The following CA9 variants were observed in gnomAD, a reference collection of about 807,000 sequenced individuals.
CA9 encodes carbonic anhydrase 9, also known as CA-IX.
A neutral mutation model predicts 51.8 loss-of-function variants in CA9; 43 were observed. The observed-to-expected ratio is 0.83, with a 90% confidence interval of 0.65 to 1.07. The LOEUF is 1.07. Ranked by LOEUF, CA9 falls within the 50% of genes least tolerant of loss-of-function variation. CA9 has a pLI of 0.00. For synonymous variants in CA9, 253 were observed against 244.2 expected (o/e 1.04, Z -0.34); for missense variants, 574 against 581.4 (o/e 0.99, Z 0.13).
Position 35,679,231 on chromosome 9 carries a change from C to A in CA9, c.954C>A (p.Pro318=), listed in dbSNP as rs374832967. 1.0e-4 allele frequency: 162 copies of A among 1,614,084 alleles called. No homozygotes were observed. The highest frequency in any genetic ancestry group is 1.2e-4 in the Non-Finnish European group (141 of 1,180,050). ...GACTGGACATATCTGCACTCCTGCC[C>A]TCTGACTTCAGCCGCTACTTCCAAT... ...VPGLDISALL[P]SDFSRYFQYE... is the part of the protein sequence containing the mutation. Residue 318 remains proline, a synonymous_variant, in exon 7 of 11, where the codon CCC becomes CCA. Transcript: ENST00000378357.
chr9:35,680,882 GGA>G (rs1587948423), intron 10 of CA9, 48 bp downstream of exon 10: 1 of 1,610,894 alleles, frequency 6.2e-7, no homozygotes, highest in East Asian at 2.2e-5. Context: ...CCACCCTTGT[GGA>G]GTCACTTCAT....
rs967501960 is a variant in CA9 at position 35,674,105 on chromosome 9, T to A, written c.146T>A (p.Leu49Ter). 6.2e-7 allele frequency: 1 copy of A among 1,613,962 alleles called. No homozygotes were observed. The highest frequency in any genetic ancestry group is 1.3e-5 in the African/African-American group (1 of 74,906). Residue 49 changes from leucine to a stop codon, truncating the protein, a stop_gained, in exon 1 of 11, where the codon TTG becomes TAG. Coordinates refer to ENST00000378357, the MANE Select transcript of CA9 (RefSeq NM_001216.3). LOFTEE classifies it high-confidence loss of function. ...RLPRMQEDSP[L>*]GGGSSGEDDP... ...CCCCGGATGCAGGAGGATTCCCCCT[T>A]GGGAGGAGGCTCTTCTGGGGAAGAT...
rs182631523 is a variant in CA9, at chr9:35,676,403, G to C, written c.840+14G>C. The C allele has an allele frequency of 7.7e-5, 124 of 1,600,908 alleles. No homozygotes were observed. The African/African-American group carries it at 1.5e-3, about 19-fold the overall frequency. On this transcript the variant is annotated intron_variant, in intron 5 of 10. Transcript: ENST00000378357. ...GCCTTTCTGGAGGTACCAGATCCTG[G>C]ACACCCCCTACTCCCCGCTTTCCCA...
At chr9:35,675,151 G>A in intron 1 of CA9, 1 of 207,598 alleles carries the variant, frequency 4.8e-6, no homozygotes, top group Non-Finnish European at 9.7e-6. Context: ...GCGCCACCAC[G>A]CCCGGCTAAT....
At position 35,675,534 on chromosome 9, in the gene CA9, A is replaced by G; in HGVS notation, c.404-4A>G. 1.2e-6 allele frequency: 2 copies of G among 1,614,166 alleles called. No individual in the cohort carries two copies. The highest frequency in any genetic ancestry group is 1.7e-6 in the Non-Finnish European group (2 of 1,180,008). On this transcript the variant is annotated splice_region_variant and splice_polypyrimidine_tract_variant and intron_variant, in intron 1 of 10. Transcript: ENST00000378357. Reference sequence around the variant, plus strand: ...TGAGCGGTTCATCCTTTTCATTTATACAGGGGATGACCAGAGTCATTGGCG... The same window carrying G: ...TGAGCGGTTCATCCTTTTCATTTATGCAGGGGATGACCAGAGTCATTGGCG...
intron 6 of CA9, among the ~76,000 whole-genome samples, chr9:35,678,695 CTTTTCTTTTTTTT>C (rs1249318050): frequency 7.7e-6 from 1 of 129,878 alleles, no homozygotes; most frequent in Admixed American, 7.7e-5. Context: ...TTTTTCTTTT[CTTTTCTTTTTTTT>C]TTTTTTTACA....
chr9:35,678,902 C>T (rs150828195), intron 6 of CA9, among the ~76,000 whole-genome samples: 4 of 151,400 alleles, frequency 2.6e-5, no homozygotes, highest in Admixed American at 6.6e-5. Context: ...TAGACTCAGA[C>T]GGTCTTTCTT....
In CA9 at chr9:35,677,779, T is replaced by A. The variant is rs374795235; in HGVS notation, c.841-11T>A. On this transcript the variant is annotated splice_polypyrimidine_tract_variant and intron_variant, in intron 5 of 10. Transcript: ENST00000378357. ...ACATGCACTCATCTGTCTTACAATGTCATCCCCCAGGAGGGCCCGGAAGAA... is the reference window on the plus strand; with the variant it reads ...ACATGCACTCATCTGTCTTACAATGACATCCCCCAGGAGGGCCCGGAAGAA... The A allele has an allele frequency of 1.2e-6, 2 of 1,612,936 alleles. No homozygotes were observed. The highest frequency in any genetic ancestry group is 1.7e-6 in the Non-Finnish European group (2 of 1,178,886).
rs1301261659 is a variant in CA9, at chr9:35,674,008, C to T, written c.49C>T (p.Pro17Ser). 2.5e-6 allele frequency: 4 copies of T among 1,613,208 alleles called. No homozygotes were observed. Among genetic ancestry groups the T allele is most frequent in the Middle Eastern group, 3.3e-4 (2 of 6,058 alleles). ...CTGGCTCCCTCTGTTGATCCCGGCC[C>T]CTGCTCCAGGCCTCACTGTGCAACT... ...SPWLPLLIPA[P>S]APGLTVQLLL... Residue 17 changes from proline to serine, a missense_variant, in exon 1 of 11, where the codon CCT becomes TCT. Physicochemically the swap from Pro to Ser is moderately conservative, Grantham distance 74 (BLOSUM62 -1). Coordinates refer to ENST00000378357, the MANE Select transcript of CA9 (RefSeq NM_001216.3).
At position 35,680,829 on chromosome 9, in the gene CA9, G is replaced by A. The variant is rs145316006; in HGVS notation, c.1314G>A (p.Gln438=). 3,738 of 1,614,156 alleles carry A rather than the reference G, an allele frequency of 2.3e-3. 9 individuals are homozygous for A. Among genetic ancestry groups the A allele is most frequent in the Non-Finnish European group, 2.8e-3 (3,307 of 1,179,960 alleles). The part of the protein sequence containing the change: ...SVAFLVQMRR[Q]HRRGTKGGVS... ...CGTTCCTTGTGCAGATGAGAAGGCA[G>A]CACAGGTATTACACTGACCCTTTCT... The change falls in exon 10 of 11, where the codon CAG becomes CAA. Residue 438 remains glutamine (Q), a synonymous_variant. Transcript: ENST00000378357.
At position 35,681,031 on chromosome 9, in the gene CA9, G is replaced by A; in HGVS notation, c.*6G>A. On this transcript the variant is annotated 3_prime_UTR_variant, in exon 11 of 11. Transcript: ENST00000378357. ...TAGCCGAGACTGGAGCCTAGAGGCT[G>A]GATCTTGGAGAATGTGAGAAGCCAG... 1 of 1,613,182 alleles carries A rather than the reference G, an allele frequency of 6.2e-7. No homozygotes were observed. Among genetic ancestry groups the A allele is most frequent in the Non-Finnish European group, 8.5e-7 (1 of 1,179,754 alleles).
chr9:35,675,988 C>A, intron 3 of CA9, 57 bp downstream of exon 3: 1 of 1,602,210 alleles, frequency 6.2e-7, no homozygotes, highest in Non-Finnish European at 8.5e-7. Context: ...GGAAGGGAAC[C>A]GTCGCGGCAG....
chr9:35,678,356 A>G (rs1269731237), intron 6 of CA9, among the ~76,000 whole-genome samples: 1 of 151,518 alleles, frequency 6.6e-6, no homozygotes, highest in African/African-American at 2.4e-5. Flanking sequence ...CAAAAAAAAA[A>G]AAAAAAAAGA....
chr9:35,676,891 C>T (rs57027576), intron 5 of CA9, among the ~76,000 whole-genome samples: 3,298 of 152,222 alleles, frequency 0.022, 99 homozygotes, highest in African/African-American at 0.068. Context: ...GTCTCTCTGT[C>T]GCCCAGGCTG....
chr9:35,674,453 G>T, intron 1 of CA9, 91 bp downstream of exon 1: 1 of 1,263,970 alleles, frequency 7.9e-7, no homozygotes, highest in Admixed American at 2.3e-5. Context: ...CTCAGGGAAG[G>T]AGGGGAGACT....
In CA9 at chr9:35,677,797, C is replaced by A. The variant is rs773530795; in HGVS notation, c.848C>A (p.Pro283Gln). The A allele has an allele frequency of 2.5e-5, 41 of 1,613,786 alleles. No homozygotes were observed. The East Asian group carries it at 3.1e-4, about 12-fold the overall frequency. The change falls in exon 6 of 11, where the codon CCG (proline) becomes CAG (glutamine). Residue 283 changes from proline (P) to glutamine (Q), a missense_variant. Coordinates refer to ENST00000378357, the MANE Select transcript of CA9 (RefSeq NM_001216.3). Reference protein sequence around the residue: ...AVLAAFLEEGPEENSAYEQLL... With the variant: ...AVLAAFLEEGQEENSAYEQLL... The stretch of plus-strand genomic sequence containing the variant: ...TACAATGTCATCCCCCAGGAGGGCC[C>A]GGAAGAAAACAGTGCCTATGAGCAG...
chr9:35,675,359 G>A, intron 1 of CA9, 179 bp from the exon 2 acceptor site: 1 of 654,296 alleles, frequency 1.5e-6, no homozygotes, highest in Non-Finnish European at 2.7e-6. Context: ...TTGCTGTTTG[G>A]CCCACCCAGC....
In CA9 at chr9:35,675,888, C is replaced by T. The variant is rs766960501; in HGVS notation, c.561C>T (p.Leu187=). 1 of 1,608,262 alleles carries T rather than the reference C, an allele frequency of 6.2e-7. No individual in the cohort carries two copies. Among genetic ancestry groups the T allele is most frequent in the Non-Finnish European group, 8.5e-7 (1 of 1,179,158 alleles). ...CCCTGGAACTCCTGGGCTTCCAGCT[C>T]CCGCCGCTCCCAGAACTGCGCCTGC... The part of the protein sequence containing the change: ...LRPLELLGFQ[L]PPLPELRLRN... The change falls in exon 3 of 11, where the codon CTC becomes CTT. Residue 187 remains leucine (L), a synonymous_variant. Transcript: ENST00000378357.
chr9:35,676,517 C>T lies in CA9; in HGVS notation c.840+128C>T, dbSNP rs547430190. ...CCCCTGGCTGACAAACTCATTCACG[C>T]ACTGTTTGTTCATTTAACACCCACT... On this transcript the variant is annotated intron_variant, in intron 5 of 10. Transcript: ENST00000378357. 2.2e-5 allele frequency: 16 copies of T among 733,426 alleles called. No individual in the cohort carries two copies. The East Asian group carries it at 3.0e-4, about 14-fold the overall frequency. 45.4% of individuals were successfully genotyped at this position (733,426 alleles called of 1,614,324 possible).
Sources: gnomAD v4.1 joint callset for allele counts (sites outside exome capture counted in the v4.1 genomes callset) on GRCh38, gnomAD v4.1.1 for gene constraint, MANE v1.5 for transcripts, NCBI Gene and HGNC (gene_info 2026-07-23, HGNC 2026-07-21) for gene names.